HCN4: variants seen among roughly 807,000 people sequenced by gnomAD.
HCN4 encodes the protein potassium/sodium hyperpolarization-activated cyclic nucleotide-gated channel 4.
Under a neutral mutation model 76.9 loss-of-function variants are expected in HCN4, and 29 were observed. That is an observed-to-expected ratio of 0.38 (90% CI 0.28 to 0.51). HCN4 has a LOEUF of 0.51. Among genes scored for constraint, HCN4 ranks in the 20% least tolerant of loss-of-function variants. The pLI is 0.90. For synonymous variants in HCN4, 772 were observed against 762.5 expected, an observed-to-expected ratio of 1.01 and a Z score of -0.21; for missense variants, 1,416 against 1,715.2, an observed-to-expected ratio of 0.83 and a Z score of 3.08.
chr15:73,351,729 T>C (rs2043055832), intron 1 of HCN4, among the ~76,000 whole-genome samples: 1 of 152,182 alleles, frequency 6.6e-6, no homozygotes, highest in Non-Finnish European at 1.5e-5. Context: ...CCCAAATCCT[T>C]CTGCGCTTCC....
At chr15:73,331,621 T>C (rs931729868) in intron 3 of HCN4, among the ~76,000 whole-genome samples, 2 of 152,272 alleles carry the variant, frequency 1.3e-5, no homozygotes, top group Admixed American at 6.5e-5. Context: ...ATTTTATTTA[T>C]TTGTTGAAGT....
intron 1 of HCN4, among the ~76,000 whole-genome samples, chr15:73,349,608 T>G: frequency 6.6e-6 from 1 of 152,138 alleles, no homozygotes; most frequent in East Asian, 1.9e-4. Flanking sequence ...CTCTCTTCCA[T>G]GGCACCTGCA....
In HCN4 at chr15:73,323,031, G is replaced by A. The variant is rs1469282261; in HGVS notation, c.3062C>T (p.Pro1021Leu). 2.0e-6 allele frequency: 3 copies of A among 1,497,722 alleles called. No homozygotes were observed. The highest frequency in any genetic ancestry group is 1.8e-6 in the Non-Finnish European group (2 of 1,127,638). 92.8% of individuals were successfully genotyped at this position (1,497,722 alleles called of 1,614,324 possible). The part of the protein sequence containing the change: ...SGGASPVGFT[P>L]RGGLSPPGHS... Reference sequence around the variant, plus strand: ...GCCAGGGGGGCTGAGACCTCCTCGGGGAGTAAAGCCTACAGGGGAAGCCCC... The same window carrying A: ...GCCAGGGGGGCTGAGACCTCCTCGGAGAGTAAAGCCTACAGGGGAAGCCCC... The change falls in exon 8 of 8, where the codon CCC becomes CTC. Residue 1021 changes from proline to leucine, a missense_variant. Pro to Leu is a moderately conservative substitution (Grantham distance 98, BLOSUM62 -3). Around this residue, in one of 6 missense-constraint regions of HCN4, gnomAD observed 633 missense variants for 579.8 expected, o/e 1.09. Transcript: ENST00000261917.
intron 6 of HCN4, 97 bp downstream of exon 6, chr15:73,324,858 C>T (rs1466506935): frequency 6.7e-7 from 1 of 1,482,996 alleles, no homozygotes; most frequent in African/African-American, 1.4e-5. Context: ...CAGGCTGTGG[C>T]CAAGAAGGGT....
rs1193496092 is a variant in HCN4 at position 73,323,457 on chromosome 15, C to G, written c.2636G>C (p.Ser879Thr). 2.5e-6 allele frequency: 4 copies of G among 1,608,582 alleles called. No individual in the cohort carries two copies. In the South Asian group the frequency reaches 3.3e-5, roughly 13 times the overall value. Residue 879 changes from serine to threonine, a missense_variant, in exon 8 of 8, where the codon AGC becomes ACC. Ser to Thr is a moderately conservative substitution (Grantham distance 58). This residue lies in a region of HCN4 where 633 missense variants were observed against 579.8 expected (regional missense o/e 1.09). Transcript: ENST00000261917. ...AGLSPLLPSS[S>T]SSPPPGACGS... Reference sequence around the variant, plus strand: ...ACAGGCCCCGGGGGGTGGGGAGGAGCTGGATGAGGGCAGGAGTGGGCTCAG... The same window carrying G: ...ACAGGCCCCGGGGGGTGGGGAGGAGGTGGATGAGGGCAGGAGTGGGCTCAG...
intron 1 of HCN4, among the ~76,000 whole-genome samples, chr15:73,363,010 T>C (rs190590532): frequency 2.2e-4 from 33 of 152,248 alleles, no homozygotes; most frequent in African/African-American, 7.7e-4. Flanking sequence ...ACACATCTCA[T>C]CCCCAGAGAG....
chr15:73,348,589 A>T (rs1050854786), intron 1 of HCN4, among the ~76,000 whole-genome samples: 11 of 152,228 alleles, frequency 7.2e-5, no homozygotes, highest in Non-Finnish European at 1.5e-4. Flanking sequence ...TTGTTTTGTC[A>T]TTAAAATATT....
chr15:73,348,414 A>C (rs968006274), intron 1 of HCN4, among the ~76,000 whole-genome samples: 3 of 152,252 alleles, frequency 2.0e-5, no homozygotes, highest in Admixed American at 1.3e-4. Flanking sequence ...ACACGCACAC[A>C]CACATGCACA....
At position 73,323,152 on chromosome 15, in the gene HCN4, C is replaced by T. The variant is rs1395656450; in HGVS notation, c.2941G>A (p.Glu981Lys). ...CCAGTGGCCAGACCTAGGGACAACT[C>T]CCCGGGAGGCTGGCCCAGCTGCCCG... is the stretch of plus-strand genomic sequence containing the variant. ...SPGQLGQPPGELSLGLATGPL... is the reference protein window; with the variant it reads ...SPGQLGQPPGKLSLGLATGPL... Residue 981 changes from glutamate to lysine, a missense_variant, in exon 8 of 8, where the codon GAG (glutamate) becomes AAG (lysine). Glu to Lys is a moderately conservative substitution (Grantham distance 56). Transcript: ENST00000261917. 2 of 1,576,524 alleles carry T rather than the reference C, an allele frequency of 1.3e-6. No homozygotes were observed. Among genetic ancestry groups the T allele is most frequent in the Non-Finnish European group, 1.7e-6 (2 of 1,162,456 alleles).
At chr15:73,336,952 G>A (rs977893777) in intron 2 of HCN4, among the ~76,000 whole-genome samples, 6 of 152,082 alleles carry the variant, frequency 3.9e-5, no homozygotes, top group Non-Finnish European at 7.4e-5. Context: ...CCCAACTACC[G>A]GCCTCCCTGA....
chr15:73,332,468 G>C (rs1283637036), intron 2 of HCN4, among the ~76,000 whole-genome samples, 176 bp from the exon 3 acceptor site: 2 of 152,214 alleles, frequency 1.3e-5, no homozygotes, highest in African/African-American at 2.4e-5. Context: ...CTAGGTCTTG[G>C]AAGAGGAAGA....
At position 73,367,596 on chromosome 15, in the gene HCN4, C is replaced by T. The variant is rs1370348092; in HGVS notation, c.675G>A (p.Gly225=). The change falls in exon 1 of 8, where the codon GGG becomes GGA. Residue 225 remains glycine, a synonymous_variant. Coordinates refer to ENST00000261917, the MANE Select transcript of HCN4 (RefSeq NM_005477.3). This position sits in a 1 kb window ranked among gnomAD's most constrained non-coding sequence, Gnocchi z 7.5. ...QRQFGAMLQP[G]VNKFSLRMFG... ...ACATCCTTAGGGAGAATTTGTTGACCCCGGGTTGGAGCATGGCCCCGAACT... is the reference window on the plus strand; with the variant it reads ...ACATCCTTAGGGAGAATTTGTTGACTCCGGGTTGGAGCATGGCCCCGAACT... 3.1e-6 allele frequency: 5 copies of T among 1,613,764 alleles called. No homozygotes were observed. The highest frequency in any genetic ancestry group is 1.1e-5 in the South Asian group (1 of 91,082).
In HCN4 at chr15:73,322,896, G is replaced by T. The variant is rs765155640; in HGVS notation, c.3197C>A (p.Pro1066His). Residue 1066 changes from proline to histidine, a missense_variant, in exon 8 of 8, where the codon CCC (proline) becomes CAC (histidine). Pro to His is a moderately conservative substitution (Grantham distance 77). Transcript: ENST00000261917. ...GAGCGGGGGTGTGCCCCGGCGCTGG[G>T]GGACCTGGGGTGGTGGGGGGCTGGA... ...PASSPPPPQV[P>H]QRRGTPPLTP... The T allele has an allele frequency of 1.5e-5, 22 of 1,439,024 alleles. No homozygotes were observed. The highest frequency in any genetic ancestry group is 1.9e-5 in the Non-Finnish European group (21 of 1,091,914). The allele number at this position is 1,439,024 out of a possible 1,614,324, so 89.1% of individuals were successfully genotyped here.
chr15:73,323,023 C>G lies in HCN4; in HGVS notation c.3070G>C (p.Gly1024Arg), dbSNP rs1041239710. 3 of 1,484,628 alleles carry G rather than the reference C, an allele frequency of 2.0e-6. No individual in the cohort carries two copies. Among genetic ancestry groups the G allele is most frequent in the Non-Finnish European group, 2.7e-6 (3 of 1,120,654 alleles). The allele number at this position is 1,484,628 out of a possible 1,614,324, so 92.0% of individuals were successfully genotyped here. Reference sequence around the variant, plus strand: ...GGGCTGTGGCCAGGGGGGCTGAGACCTCCTCGGGGAGTAAAGCCTACAGGG... The same window carrying G: ...GGGCTGTGGCCAGGGGGGCTGAGACGTCCTCGGGGAGTAAAGCCTACAGGG... The part of the protein sequence containing the change: ...ASPVGFTPRG[G>R]LSPPGHSPGP... The change falls in exon 8 of 8, where the codon GGT becomes CGT. Residue 1024 changes from glycine to arginine, a missense_variant. By Grantham distance (125) the Gly-to-Arg change is moderately radical. Transcript: ENST00000261917.
intron 2 of HCN4, among the ~76,000 whole-genome samples, chr15:73,337,824 G>C (rs1045236499): frequency 6.6e-6 from 1 of 152,158 alleles, no homozygotes; most frequent in African/African-American, 2.4e-5. Flanking sequence ...CCTTGTCCCT[G>C]TGGGAAGAAC....
In HCN4 at chr15:73,322,714, C is replaced by T. The variant is rs748279911; in HGVS notation, c.3379G>A (p.Gly1127Arg). 3.3e-5 allele frequency: 51 copies of T among 1,566,376 alleles called. No individual in the cohort carries two copies. The highest frequency in any genetic ancestry group is 3.9e-5 in the Non-Finnish European group (45 of 1,156,058). The stretch of plus-strand genomic sequence containing the variant: ...AGGCCCCCGCTGCTCCCACTGCCCC[C>T]GCTGCCACCCCCAGCCCTGGGGAAG... The part of the protein sequence containing the change: ...PLFPRAGGGS[G>R]GSGSSGGLGP... Residue 1127 changes from glycine (G) to arginine (R), a missense_variant, in exon 8 of 8, where the codon GGG becomes AGG. Around this residue, in one of 6 missense-constraint regions of HCN4, gnomAD observed 633 missense variants for 579.8 expected, o/e 1.09. Coordinates refer to ENST00000261917, the MANE Select transcript of HCN4 (RefSeq NM_005477.3).
rs948263964 is a variant in HCN4 at position 73,322,436 on chromosome 15, G to C, written c.*45C>G. 1 of 1,429,652 alleles carries C rather than the reference G, an allele frequency of 7.0e-7. No individual in the cohort carries two copies. The highest frequency in any genetic ancestry group is 9.6e-7 in the Non-Finnish European group (1 of 1,040,004). The allele number at this position is 1,429,652 out of a possible 1,614,324, so 88.6% of individuals were successfully genotyped here. On this transcript the variant is annotated 3_prime_UTR_variant, in exon 8 of 8. Coordinates refer to ENST00000261917, the MANE Select transcript of HCN4 (RefSeq NM_005477.3). The stretch of plus-strand genomic sequence containing the variant: ...ATCACAGTTAAACCTGAAGGAAGAA[G>C]GAAGGGAGAGAAAAGAAGAAAGAAG...
chr15:73,330,297 G>A (rs975479010), intron 3 of HCN4, among the ~76,000 whole-genome samples: 11 of 152,250 alleles, frequency 7.2e-5, no homozygotes, highest in African/African-American at 2.7e-4. Flanking sequence ...AGTTAAAGCT[G>A]TGAGCTAACG....
chr15:73,355,046 A>C (rs2043071765), intron 1 of HCN4, among the ~76,000 whole-genome samples: 1 of 152,202 alleles, frequency 6.6e-6, no homozygotes, highest in Admixed American at 6.5e-5. Context: ...GGGGAGGAGA[A>C]ATTCAGCCAG....
Sources: gnomAD v4.1 joint callset for allele counts (sites outside exome capture counted in the v4.1 genomes callset) on GRCh38, gnomAD v4.1.1 for gene constraint, gnomAD v4.1.1 regional missense constraint, Gnocchi (gnomAD v3.1) non-coding constraint, MANE v1.5 for transcripts, NCBI Gene and HGNC (gene_info 2026-07-23, HGNC 2026-07-21) for gene names.